GUCY1A2: variants seen among roughly 807,000 people sequenced by gnomAD.
GUCY1A2 encodes guanylate cyclase soluble subunit alpha-2.
GUCY1A2 carries 27 observed loss-of-function variants against 63.5 expected under a neutral mutation model. The ratio of observed to expected loss-of-function variants is 0.43; its 90% CI spans 0.31 to 0.59. GUCY1A2 has a LOEUF of 0.59. Ranked by LOEUF, GUCY1A2 falls within the 20% of genes least tolerant of loss-of-function variation. GUCY1A2 has a pLI of 0.11. For missense variants in GUCY1A2, 768 were observed against 913.3 expected (o/e 0.84, Z 2.05); for synonymous variants, 364 against 343.5 (o/e 1.06, Z -0.66).
At position 106,810,087 on chromosome 11, in the gene GUCY1A2, A is replaced by G; in HGVS notation, c.1598T>C (p.Ile533Thr). 6.2e-7 allele frequency: 1 copy of G among 1,613,612 alleles called. No homozygotes were observed. Among genetic ancestry groups the G allele is most frequent in the Non-Finnish European group, 8.5e-7 (1 of 1,179,550 alleles). Reference protein sequence around the residue: ...LFSDIVGFTAICAQCTPMQVI... With the variant: ...LFSDIVGFTATCAQCTPMQVI... ...TTGCATGGGAGTACACTGGGCACAT[A>G]TGGCTGTGAAGCCAACAATGTCTGA... The change falls in exon 5 of 8, where the codon ATA becomes ACA. Residue 533 changes from isoleucine to threonine, a missense_variant. This residue lies in a region of GUCY1A2 where 122 missense variants were observed against 238.1 expected (regional missense o/e 0.51). Coordinates refer to ENST00000526355, the MANE Select transcript of GUCY1A2 (RefSeq NM_000855.3).
chr11:107,009,450 A>G (rs1861714557), intron 1 of GUCY1A2, among the ~76,000 whole-genome samples: 1 of 152,186 alleles, frequency 6.6e-6, no homozygotes, highest in East Asian at 1.9e-4. Flanking sequence ...TCACCCTCAC[A>G]ACCACCCTTC....
At chr11:107,004,342 T>C (rs768306106) in intron 1 of GUCY1A2, among the ~76,000 whole-genome samples, 4 of 152,206 alleles carry the variant, frequency 2.6e-5, no homozygotes, top group Non-Finnish European at 5.9e-5. Context: ...AATTTTCCTA[T>C]GAGATTTTGA....
intron 2 of GUCY1A2, among the ~76,000 whole-genome samples, chr11:106,982,380 C>T (rs549190006): frequency 3.3e-5 from 5 of 152,150 alleles, no homozygotes; most frequent in Admixed American, 6.5e-5. Context: ...CCCACACCAC[C>T]CAGAAAGTTA....
chr11:106,877,390 A>C (rs561816376), intron 4 of GUCY1A2, among the ~76,000 whole-genome samples: 1 of 152,096 alleles, frequency 6.6e-6, no homozygotes, highest in Non-Finnish European at 1.5e-5. Flanking sequence ...CCTGACTTCA[A>C]ACTATACTAT....
At chr11:106,750,148 G>T (rs1434346526) in intron 6 of GUCY1A2, among the ~76,000 whole-genome samples, 1 of 152,110 alleles carries the variant, frequency 6.6e-6, no homozygotes, top group Non-Finnish European at 1.5e-5. Flanking sequence ...ACTGGTGCAA[G>T]TCACAGATTC....
At position 106,806,350 on chromosome 11, in the gene GUCY1A2, T is replaced by G. The variant is rs184793896; in HGVS notation, c.1692+3643A>C. Among the ~76,000 whole-genome samples the G allele has an allele frequency of 2.7e-3, 408 of 152,286 alleles. 1 individual carries two copies. The highest frequency in any genetic ancestry group is 0.017 in the Middle Eastern group (5 of 294). On this transcript the variant is annotated intron_variant, in intron 5 of 7. Transcript: ENST00000526355. ...GTGCTTAAAGGTGAAAAGATGGGGA[T>G]GCTAAAGATTGTATTTAAAATAGCA...
At chr11:106,716,625 T>C (rs1005093757) in intron 6 of GUCY1A2, among the ~76,000 whole-genome samples, 2 of 151,662 alleles carry the variant, frequency 1.3e-5, no homozygotes, top group African/African-American at 4.8e-5. Flanking sequence ...AAAAATTAGC[T>C]GAGCGTGGTG....
chr11:106,730,541 A>G (rs996297503), intron 6 of GUCY1A2, among the ~76,000 whole-genome samples: 8 of 152,010 alleles, frequency 5.3e-5, no homozygotes, highest in African/African-American at 1.7e-4. Flanking sequence ...GGTTGATTCT[A>G]TATCTCGCTA....
chr11:106,844,144 C>A (rs1465403331), intron 4 of GUCY1A2, among the ~76,000 whole-genome samples: 1 of 151,756 alleles, frequency 6.6e-6, no homozygotes, highest in Non-Finnish European at 1.5e-5. Flanking sequence ...CATTACTTTT[C>A]CTTTGTATTC....
At chr11:106,973,962 C>T (rs1423295039) in intron 3 of GUCY1A2, among the ~76,000 whole-genome samples, 1 of 151,964 alleles carries the variant, frequency 6.6e-6, no homozygotes, top group African/African-American at 2.4e-5. Context: ...TATATTATCT[C>T]CATTTTGCAA....
intron 4 of GUCY1A2, among the ~76,000 whole-genome samples, chr11:106,849,628 A>T (rs1859323761): frequency 6.6e-6 from 1 of 151,648 alleles, no homozygotes; most frequent in South Asian, 2.1e-4. Context: ...ATCTTTTATC[A>T]TATATCTACA....
intron 3 of GUCY1A2, among the ~76,000 whole-genome samples, chr11:106,960,345 A>G (rs1001063897): frequency 1.3e-5 from 2 of 152,304 alleles, no homozygotes; most frequent in African/African-American, 4.8e-5. Flanking sequence ...CAAGTGTAAG[A>G]TATATTACCA....
intron 4 of GUCY1A2, among the ~76,000 whole-genome samples, chr11:106,843,807 TTTCC>T (rs1859233452): frequency 6.6e-6 from 1 of 151,940 alleles, no homozygotes; most frequent in Non-Finnish European, 1.5e-5. Context: ...CTGATTCTTC[TTTCC>T]TTGTCTCCTT....
chr11:106,809,932 T>C (rs201910761), intron 5 of GUCY1A2, 61 bp downstream of exon 5: 1 of 492,578 alleles, frequency 2.0e-6, no homozygotes, highest in Non-Finnish European at 2.9e-6. Context: ...AAAATCAATT[T>C]AATTCACATG....
chr11:106,720,334 G>A (rs937325325), intron 6 of GUCY1A2, among the ~76,000 whole-genome samples: 5 of 152,152 alleles, frequency 3.3e-5, no homozygotes, highest in Admixed American at 2.6e-4. Flanking sequence ...TGTCTTGGGC[G>A]TTGGTCATTC....
chr11:106,997,106 T>C (rs1262941725), intron 1 of GUCY1A2, among the ~76,000 whole-genome samples: 1 of 152,214 alleles, frequency 6.6e-6, no homozygotes, highest in Non-Finnish European at 1.5e-5. Context: ...AAACTAGCTA[T>C]CACTCTATTA....
chr11:106,857,070 A>G (rs904592244), intron 4 of GUCY1A2, among the ~76,000 whole-genome samples: 1 of 152,214 alleles, frequency 6.6e-6, no homozygotes, highest in East Asian at 1.9e-4. Flanking sequence ...CATTAAGTGA[A>G]TTAACTTCCT....
intron 7 of GUCY1A2, among the ~76,000 whole-genome samples, chr11:106,696,472 G>A (rs183832750): frequency 3.7e-4 from 56 of 152,226 alleles, no homozygotes; most frequent in African/African-American, 1.2e-3. Flanking sequence ...GAAGTGGAAA[G>A]AAGAAAATAT....
intron 6 of GUCY1A2, among the ~76,000 whole-genome samples, chr11:106,743,415 A>G (rs1863731843): frequency 6.6e-6 from 1 of 152,216 alleles, no homozygotes; most frequent in Admixed American, 6.5e-5. Flanking sequence ...AGACAAATAC[A>G]TGTAACCTTT....
Sources: gnomAD v4.1 joint callset for allele counts (sites outside exome capture counted in the v4.1 genomes callset) on GRCh38, gnomAD v4.1.1 for gene constraint, gnomAD v4.1.1 regional missense constraint, MANE v1.5 for transcripts, NCBI Gene and HGNC (gene_info 2026-07-23, HGNC 2026-07-21) for gene names.